Variants in FGF14 observed in about 807,000 individuals in gnomAD.
The protein encoded by FGF14 is fibroblast growth factor homologous factor 4.
In FGF14, 5 loss-of-function variants were observed where a neutral mutation model predicts 25.5. That is an observed-to-expected ratio of 0.20 (90% CI 0.10 to 0.41). The LOEUF (loss-of-function observed/expected upper bound fraction) is 0.41. Among genes scored for constraint, FGF14 ranks in the 10% least tolerant of loss-of-function variants. FGF14 has a pLI of 1.00. For synonymous variants in FGF14, 138 were observed against 118.3 expected (o/e 1.17, Z -1.08); for missense variants, 222 against 320.1 (o/e 0.69, Z 2.34).
intron 1 of FGF14, among the ~76,000 whole-genome samples, chr13:102,365,462 G>A (rs940087761): frequency 6.6e-6 from 1 of 152,190 alleles, no homozygotes; most frequent in African/African-American, 2.4e-5. Context: ...AATTCCTGCT[G>A]CAGCCACCCC....
intron 1 of FGF14, among the ~76,000 whole-genome samples, chr13:102,380,819 T>C (rs2058166533): frequency 6.6e-6 from 1 of 152,200 alleles, no homozygotes; most frequent in Non-Finnish European, 1.5e-5. Context: ...GAAATGCCTA[T>C]GCTTTGAAAA....
At chr13:102,298,541 G>A (rs1010343428) in intron 1 of FGF14, among the ~76,000 whole-genome samples, 2 of 152,078 alleles carry the variant, frequency 1.3e-5, no homozygotes, top group African/African-American at 4.8e-5. Flanking sequence ...TTATGTGTTA[G>A]TATTTTACAG....
At chr13:102,324,074 T>A (rs1371570990) in intron 1 of FGF14, among the ~76,000 whole-genome samples, 1 of 151,998 alleles carries the variant, frequency 6.6e-6, no homozygotes, top group South Asian at 2.1e-4. Context: ...TATATCCTTG[T>A]CTGATTTTAT....
chr13:102,185,892 T>C (rs2140782984), intron 1 of FGF14, among the ~76,000 whole-genome samples: 1 of 152,304 alleles, frequency 6.6e-6, no homozygotes, highest in African/African-American at 2.4e-5. Flanking sequence ...GAAGTCACTG[T>C]TTAACCCTTT....
intron 3 of FGF14, among the ~76,000 whole-genome samples, chr13:101,785,145 C>T (rs1471546216): frequency 2.0e-5 from 3 of 152,022 alleles, no homozygotes; most frequent in South Asian, 2.1e-4. Context: ...TCCAAATGTA[C>T]ATATAATGCA....
At chr13:101,739,470 T>C (rs1594086301) in intron 3 of FGF14, among the ~76,000 whole-genome samples, 1 of 152,304 alleles carries the variant, frequency 6.6e-6, no homozygotes, top group East Asian at 1.9e-4. Flanking sequence ...ATCACATAGA[T>C]AAATCTGGCC....
intron 1 of FGF14, among the ~76,000 whole-genome samples, chr13:102,171,833 T>C (rs1031232474): frequency 1.3e-5 from 2 of 151,820 alleles, no homozygotes; most frequent in Admixed American, 6.6e-5. Flanking sequence ...GAGTTGGACA[T>C]TGCCCACCTT....
At chr13:101,751,308 G>C (rs1252233538) in intron 3 of FGF14, among the ~76,000 whole-genome samples, 1 of 152,050 alleles carries the variant, frequency 6.6e-6, no homozygotes, top group Non-Finnish European at 1.5e-5. Flanking sequence ...GGAGCAAAAG[G>C]GGTTTATGGG....
chr13:101,899,106 AG>A (rs2031167627), intron 1 of FGF14, among the ~76,000 whole-genome samples: 2 of 152,294 alleles, frequency 1.3e-5, no homozygotes, highest in South Asian at 4.1e-4. Flanking sequence ...AAATCAAACT[AG>A]AAATAGACAA....
At chr13:102,305,842 TACTCTGGTCTTGTTATATC>T (rs1236605458) in intron 1 of FGF14, among the ~76,000 whole-genome samples, 1 of 152,188 alleles carries the variant, frequency 6.6e-6, no homozygotes, top group Admixed American at 6.5e-5. Flanking sequence ...TGCCAATATT[TACTCTGGTCTTGTTATATC>T]ACACATTACA....
chr13:101,940,626 T>C (rs962408315), intron 1 of FGF14, among the ~76,000 whole-genome samples: 9 of 152,212 alleles, frequency 5.9e-5, no homozygotes, highest in Admixed American at 1.3e-4. Flanking sequence ...CAATCTAAAG[T>C]AACTGACAAT....
intron 1 of FGF14, among the ~76,000 whole-genome samples, chr13:101,979,964 TGCTGCAAGGAAAACA>T (rs1298326652): frequency 1.3e-5 from 2 of 152,200 alleles, no homozygotes; most frequent in Non-Finnish European, 2.9e-5. Context: ...CTAAATCGTT[TGCTGCAAGGAAAACA>T]GCTGCCCACT....
intron 1 of FGF14, among the ~76,000 whole-genome samples, chr13:102,049,222 C>G (rs900347465): frequency 6.6e-6 from 1 of 152,104 alleles, no homozygotes; most frequent in African/African-American, 2.4e-5. Flanking sequence ...ATAAAAGACA[C>G]AAACTTTGAT....
intron 1 of FGF14, among the ~76,000 whole-genome samples, chr13:102,268,254 T>C (rs1185632582): frequency 3.3e-5 from 5 of 152,084 alleles, no homozygotes; most frequent in Non-Finnish European, 7.4e-5. Flanking sequence ...ACTAACTCAC[T>C]AAGGGTTAGT....
chr13:102,226,810 T>G (rs1157038632), intron 1 of FGF14, among the ~76,000 whole-genome samples: 1 of 152,186 alleles, frequency 6.6e-6, no homozygotes, highest in African/African-American at 2.4e-5. Flanking sequence ...GCACATTTTC[T>G]CATGAACAGC....
intron 1 of FGF14, among the ~76,000 whole-genome samples, chr13:101,946,379 A>T (rs2035808579): frequency 6.6e-6 from 1 of 151,924 alleles, no homozygotes; most frequent in Non-Finnish European, 1.5e-5. Context: ...AAAAAAAAAA[A>T]AAAAAGAGGC....
chr13:101,995,653 G>A (rs1029528146), intron 1 of FGF14, among the ~76,000 whole-genome samples: 2 of 152,110 alleles, frequency 1.3e-5, no homozygotes, highest in South Asian at 2.1e-4. Context: ...ATGGAAGGCT[G>A]AGTACTAAAG....
Position 101,916,578 on chromosome 13 carries a change from C to A in FGF14, c.68G>T (p.Arg23Leu), listed in dbSNP as rs770151212. Reference protein sequence around the residue: ...KRQAREQHWDRPSASRRRSSP... With the variant: ...KRQAREQHWDLPSASRRRSSP... ...GCTCCGCCTCCTGCTGGCAGACGGC[C>A]GGTCCCAGTGCTGCTCCCGCGCCTG... Residue 23 changes from arginine (R) to leucine (L), a missense_variant, in exon 1 of 5, where the codon CGG (arginine) becomes CTG (leucine). This residue lies in a region of FGF14 where 80 missense variants were observed against 72.2 expected (regional missense o/e 1.11). Coordinates refer to ENST00000376143, the MANE Select transcript of FGF14 (RefSeq NM_004115.4). The A allele has an allele frequency of 6.2e-7, 1 of 1,608,192 alleles. No homozygotes were observed. The highest frequency in any genetic ancestry group is 2.3e-5 in the East Asian group (1 of 44,266).
intron 1 of FGF14, among the ~76,000 whole-genome samples, chr13:102,250,507 A>C (rs1424795271): frequency 2.0e-5 from 3 of 152,206 alleles, no homozygotes; most frequent in Non-Finnish European, 2.9e-5. Flanking sequence ...GTGGAAAGGA[A>C]CAGGGTAGGC....
Sources: allele counts gnomAD v4.1 joint callset (sites outside exome capture counted in the v4.1 genomes callset), GRCh38; gene constraint gnomAD v4.1.1; regional missense constraint gnomAD v4.1.1; transcripts MANE v1.5; gene names NCBI Gene and HGNC (gene_info 2026-07-23, HGNC 2026-07-21).